The following IMMP2L variants were observed in gnomAD, a reference collection of about 807,000 sequenced individuals.
IMMP2L encodes the protein inner mitochondrial membrane peptidase subunit 2, also known as mitochondrial inner membrane protease subunit 2.
IMMP2L carries 18 observed loss-of-function variants against 19.3 expected under a neutral mutation model. The ratio of observed to expected loss-of-function variants is 0.93; its 90% confidence interval spans 0.64 to 1.38. The LOEUF (loss-of-function observed/expected upper bound fraction) is 1.38. Among genes scored for constraint, IMMP2L ranks in the 40% most tolerant of loss-of-function variants. The probability of loss-of-function intolerance (pLI) is 0.00; values close to 1 mark genes in which losing one functional copy is unlikely to be tolerated. For synonymous variants in IMMP2L, 76 were observed against 73.0 expected, an observed-to-expected ratio of 1.04 and a Z score of -0.21; for missense variants, 233 against 218.2, an observed-to-expected ratio of 1.07 and a Z score of -0.43.
At chr7:110,826,287 C>T (rs189215196) in intron 5 of IMMP2L, among the ~76,000 whole-genome samples, 54 of 152,208 alleles carry the variant, frequency 3.5e-4, no homozygotes, top group African/African-American at 9.9e-4. Context: ...GGCGATTCCT[C>T]GGGGATCTAG....
chr7:111,345,896 A>G (rs1245413159), intron 3 of IMMP2L, among the ~76,000 whole-genome samples: 1 of 152,200 alleles, frequency 6.6e-6, no homozygotes, highest in Non-Finnish European at 1.5e-5. Context: ...CTTAGAGCCA[A>G]GAGAATAAAC....
intron 5 of IMMP2L, among the ~76,000 whole-genome samples, chr7:110,794,371 T>G (rs534756495): frequency 6.6e-6 from 1 of 152,156 alleles, no homozygotes; most frequent in African/African-American, 2.4e-5. Context: ...AACCTTAATA[T>G]TACTAAGTGA....
At chr7:110,888,157 C>T (rs1187494855) in intron 4 of IMMP2L, among the ~76,000 whole-genome samples, 5 of 151,970 alleles carry the variant, frequency 3.3e-5, no homozygotes, top group African/African-American at 7.3e-5. Flanking sequence ...TTTTTAATTA[C>T]TATTGCGAAG....
At chr7:111,058,416 T>C in intron 3 of IMMP2L, among the ~76,000 whole-genome samples, 1 of 152,344 alleles carries the variant, frequency 6.6e-6, no homozygotes, top group African/African-American at 2.4e-5. Context: ...CAAACAATTC[T>C]TATAAAAAAC....
At chr7:110,787,925 GAGA>G (rs778836978) in intron 5 of IMMP2L, among the ~76,000 whole-genome samples, 4 of 151,826 alleles carry the variant, frequency 2.6e-5, no homozygotes, top group Admixed American at 6.6e-5. Context: ...TTTCTTCAAG[GAGA>G]AGAATACAGG....
chr7:111,300,649 G>T (rs955631560), intron 3 of IMMP2L, among the ~76,000 whole-genome samples: 1 of 151,934 alleles, frequency 6.6e-6, no homozygotes, highest in Admixed American at 6.6e-5. Context: ...TCCTGACTCC[G>T]GGCAACCATT....
At chr7:111,065,920 G>A (rs75751219) in intron 3 of IMMP2L, among the ~76,000 whole-genome samples, 13 of 129,006 alleles carry the variant, frequency 1.0e-4, no homozygotes, top group African/African-American at 1.6e-4. Context: ...GTGTGCGCGC[G>A]CGTGTATGCG....
At chr7:110,983,894 C>T (rs1182862753) in intron 3 of IMMP2L, among the ~76,000 whole-genome samples, 1 of 151,948 alleles carries the variant, frequency 6.6e-6, no homozygotes, top group Non-Finnish European at 1.5e-5. Flanking sequence ...CTTCCTAGTT[C>T]ATGATCACCC....
chr7:110,792,934 G>A (rs1380061806), intron 5 of IMMP2L, among the ~76,000 whole-genome samples: 1 of 152,040 alleles, frequency 6.6e-6, no homozygotes, highest in African/African-American at 2.4e-5. Context: ...CAGCAACATG[G>A]ATAAAACTGG....
intron 3 of IMMP2L, among the ~76,000 whole-genome samples, chr7:111,058,935 C>A (rs1461851742): frequency 3.9e-5 from 6 of 151,958 alleles, no homozygotes; most frequent in African/African-American, 1.4e-4. Flanking sequence ...TGTGTTTTTT[C>A]CTTCCTTATG....
intron 3 of IMMP2L, among the ~76,000 whole-genome samples, chr7:111,128,644 G>A (rs958625829): frequency 6.6e-6 from 1 of 152,100 alleles, no homozygotes; most frequent in African/African-American, 2.4e-5. Flanking sequence ...GGCCAACATG[G>A]TGAAACTCCG....
At chr7:111,305,470 T>C (rs866961259) in intron 3 of IMMP2L, among the ~76,000 whole-genome samples, 4 of 151,854 alleles carry the variant, frequency 2.6e-5, no homozygotes, top group South Asian at 4.2e-4. Flanking sequence ...CTGGGACTAA[T>C]GGCAAATTAA....
intron 3 of IMMP2L, among the ~76,000 whole-genome samples, chr7:110,982,525 ACT>A (rs1373636618): frequency 6.6e-6 from 1 of 151,898 alleles, no homozygotes; most frequent in Non-Finnish European, 1.5e-5. Flanking sequence ...AGACCTAACA[ACT>A]CTCTGATCCC....
At chr7:111,253,507 T>G (rs1816369447) in intron 3 of IMMP2L, among the ~76,000 whole-genome samples, 1 of 152,080 alleles carries the variant, frequency 6.6e-6, no homozygotes, top group Non-Finnish European at 1.5e-5. Flanking sequence ...GAAAGGAGGC[T>G]GCATATGATT....
intron 3 of IMMP2L, among the ~76,000 whole-genome samples, chr7:111,074,556 C>T (rs1007419821): frequency 6.6e-6 from 1 of 152,154 alleles, no homozygotes; most frequent in African/African-American, 2.4e-5. Flanking sequence ...TGCCAACTAA[C>T]TAGAATTCTC....
intron 4 of IMMP2L, among the ~76,000 whole-genome samples, chr7:110,946,684 A>G (rs977834718): frequency 1.3e-5 from 2 of 151,956 alleles, no homozygotes; most frequent in Non-Finnish European, 2.9e-5. Flanking sequence ...ACACGACATT[A>G]ACATATTAAA....
At chr7:110,901,105 C>T (rs1041906725) in intron 4 of IMMP2L, among the ~76,000 whole-genome samples, 26 of 152,030 alleles carry the variant, frequency 1.7e-4, no homozygotes, top group African/African-American at 5.6e-4. Context: ...TTTAAAATAG[C>T]TCCTCCTGTC....
chr7:111,427,644 G>A (rs1836217024), intron 3 of IMMP2L, among the ~76,000 whole-genome samples: 1 of 151,762 alleles, frequency 6.6e-6, no homozygotes, highest in African/African-American at 2.4e-5. Context: ...TATTCAGAGT[G>A]CCAGAACAGT....
At chr7:111,281,375 T>C (rs1019278148) in intron 3 of IMMP2L, among the ~76,000 whole-genome samples, 4 of 152,048 alleles carry the variant, frequency 2.6e-5, no homozygotes, top group Non-Finnish European at 4.4e-5. Flanking sequence ...CAATAAAATT[T>C]AGTAACCCCT....
Sources: allele counts gnomAD v4.1 joint callset (sites outside exome capture counted in the v4.1 genomes callset), GRCh38; gene constraint gnomAD v4.1.1; transcripts MANE v1.5; gene names NCBI Gene and HGNC (gene_info 2026-07-23, HGNC 2026-07-21).